Variants in IL16 observed in about 807,000 individuals in gnomAD.
IL16 encodes the protein interleukin 16.
A neutral mutation model predicts 110.1 loss-of-function variants in IL16; 67 were observed. The ratio of observed to expected loss-of-function variants is 0.61; its 90% CI spans 0.50 to 0.75. IL16 has a LOEUF of 0.75. Among genes scored for constraint, IL16 ranks in the 30% least tolerant of loss-of-function variants. IL16 has a pLI of 0.00. For missense variants in IL16, 1,545 were observed against 1,655.0 expected, an observed-to-expected ratio of 0.93 and a Z score of 1.15; for synonymous variants, 689 against 662.9, an observed-to-expected ratio of 1.04 and a Z score of -0.61.
rs148665381 is a variant in IL16, at chr15:81,230,380, A to C, written c.312+4669A>C. Reference sequence around the variant, plus strand: ...GCTCAGTTAGAGGGAACGAAAGGTCAAACTCTCCCTCTCCTCTTTCCTCTC... The same window carrying C: ...GCTCAGTTAGAGGGAACGAAAGGTCCAACTCTCCCTCTCCTCTTTCCTCTC... On this transcript the variant is annotated intron_variant, in intron 2 of 18. Transcript: ENST00000683961. Among the ~76,000 whole-genome samples the C allele has an allele frequency of 4.7e-3, 709 of 152,338 alleles. 4 individuals carry two copies. Among genetic ancestry groups the C allele is most frequent in the African/African-American group, 0.016 (680 of 41,566 alleles).
chr15:81,302,902 C>G (rs1900358152), intron 15 of IL16, among the ~76,000 whole-genome samples: 1 of 152,126 alleles, frequency 6.6e-6, no homozygotes, highest in Non-Finnish European at 1.5e-5. Context: ...AGGGACCTGC[C>G]TGACTCCTAT....
chr15:81,292,424 C>A, intron 11 of IL16, 132 bp from the exon 12 acceptor site: 2 of 1,329,850 alleles, frequency 1.5e-6, no homozygotes, highest in Non-Finnish European at 2.1e-6. Flanking sequence ...TACTCCAGAT[C>A]CACAGTGACT....
chr15:81,285,857 T>C lies in IL16; in HGVS notation c.1332+27T>C. On this transcript the variant is annotated intron_variant, in intron 10 of 18. Coordinates refer to ENST00000683961, the MANE Select transcript of IL16 (RefSeq NM_172217.5). ...TAACACCCACTGGGTTATCCTCTTC[T>C]TCTCAGGCTCACTCGTTCAGTACCA... 2.5e-6 allele frequency: 4 copies of C among 1,612,520 alleles called. No individual in the cohort carries two copies. In the South Asian group the frequency reaches 4.4e-5, roughly 18 times the overall value.
chr15:81,225,829 G>C, intron 2 of IL16, 118 bp downstream of exon 2: 1 of 1,027,002 alleles, frequency 9.7e-7, no homozygotes, highest in East Asian at 2.6e-5. Flanking sequence ...AATTCTGAAA[G>C]AGAGCAAGAA....
intron 1 of IL16, among the ~76,000 whole-genome samples, chr15:81,186,693 A>G (rs1005385173): frequency 3.3e-5 from 5 of 152,264 alleles, no homozygotes; most frequent in Admixed American, 2.0e-4. Context: ...AAAAGAGGAA[A>G]GAATTGTAGT....
intron 7 of IL16, 91 bp from the exon 8 acceptor site, chr15:81,279,467 C>A: frequency 1.3e-6 from 1 of 782,982 alleles, no homozygotes; most frequent in Non-Finnish European, 2.1e-6. Flanking sequence ...CATACACATA[C>A]ACACACACAG....
chr15:81,269,516 C>A, intron 4 of IL16, 22 bp from the exon 5 acceptor site: 2 of 1,556,522 alleles, frequency 1.3e-6, no homozygotes, highest in Non-Finnish European at 1.8e-6. Flanking sequence ...AATCTTCTGC[C>A]TACTCTGGTT....
chr15:81,280,045 G>A (rs1459865993), intron 8 of IL16, among the ~76,000 whole-genome samples: 1 of 152,224 alleles, frequency 6.6e-6, no homozygotes, highest in Non-Finnish European at 1.5e-5. Context: ...CAGAGAGAGA[G>A]AGAGAGAAAC....
chr15:81,301,444 C>CT lies in IL16; in HGVS notation c.3251dup (p.Leu1085AlafsTer18), dbSNP rs1472291192. 6.2e-7 allele frequency: 1 copy of CT among 1,614,124 alleles called. No homozygotes were observed. On this transcript the variant is annotated frameshift_variant, in exon 15 of 19. Coordinates refer to ENST00000683961, the MANE Select transcript of IL16 (RefSeq NM_172217.5). LOFTEE classifies it high-confidence loss of function. The stretch of plus-strand genomic sequence containing the variant: ...TCAGTCTGGTCAGTCCGTTATCTCC[C>CT]TGCTGAGCTCAGAAGAATTAAAAAA...
Position 81,310,737 on chromosome 15 carries a change from G to C in IL16, c.*1939G>C, listed in dbSNP as rs766491696. The C allele has an allele frequency of 1.3e-5, 2 of 152,190 alleles. No individual in the cohort carries two copies. The highest frequency in any genetic ancestry group is 2.9e-5 in the Non-Finnish European group (2 of 68,084). The allele number at this position is 152,190 out of a possible 1,614,324, so 9.4% of individuals were successfully genotyped here. A position where few individuals can be genotyped will look rare whatever the true frequency, so the allele number is the denominator to read the frequency against. On this transcript the variant is annotated 3_prime_UTR_variant, in exon 19 of 19. Coordinates refer to ENST00000683961, the MANE Select transcript of IL16 (RefSeq NM_172217.5). ...GTTTTAAGTCTTATCAAGCAGCCAA[G>C]GGATGAAAGAGAAGGTGGGTTTTCA...
intron 12 of IL16, chr15:81,295,565 A>C (rs1156680398): frequency 8.3e-7 from 1 of 1,205,536 alleles, no homozygotes; most frequent in African/African-American, 1.6e-5. Flanking sequence ...TGTGGACAAG[A>C]GACTTAGAGA....
chr15:81,278,132 A>G (rs1450908928), intron 6 of IL16, among the ~76,000 whole-genome samples: 2 of 152,098 alleles, frequency 1.3e-5, no homozygotes, highest in East Asian at 1.9e-4. Flanking sequence ...TGGGGTCTAC[A>G]TTGCATTCTG....
chr15:81,251,134 A>G (rs1018521842), intron 2 of IL16, among the ~76,000 whole-genome samples: 2 of 152,086 alleles, frequency 1.3e-5, no homozygotes, highest in African/African-American at 4.8e-5. Flanking sequence ...TTTTGTTGAT[A>G]CATTTACATC....
chr15:81,294,065 G>A (rs1489268216), intron 12 of IL16, among the ~76,000 whole-genome samples: 1 of 152,218 alleles, frequency 6.6e-6, no homozygotes, highest in Non-Finnish European at 1.5e-5. Context: ...GCACACCGTG[G>A]GCAGGTGGGA....
chr15:81,306,677 T>C, intron 18 of IL16, 132 bp downstream of exon 18: 1 of 1,098,620 alleles, frequency 9.1e-7, no homozygotes, highest in Non-Finnish European at 1.4e-6. Flanking sequence ...GGCATGCTGG[T>C]CCTTTTAGGG....
intron 1 of IL16, among the ~76,000 whole-genome samples, chr15:81,183,066 A>T (rs1332977596): frequency 1.4e-5 from 2 of 145,518 alleles, no homozygotes; most frequent in Non-Finnish European, 2.9e-5. Flanking sequence ...CACACGTGTA[A>T]GTGTGTGCAC....
intron 1 of IL16, among the ~76,000 whole-genome samples, chr15:81,218,354 T>C (rs557856996): frequency 2.1e-4 from 32 of 152,100 alleles, no homozygotes; most frequent in Non-Finnish European, 3.7e-4. Context: ...AAAAGAAAAT[T>C]TGAACGAATA....
intron 13 of IL16, among the ~76,000 whole-genome samples, chr15:81,297,779 A>T (rs1281744284): frequency 6.6e-6 from 1 of 152,122 alleles, no homozygotes; most frequent in African/African-American, 2.4e-5. Context: ...GCCCTGTGCT[A>T]GATGCTGGGG....
intron 12 of IL16, chr15:81,295,308 T>A: frequency 2.8e-6 from 3 of 1,088,966 alleles, no homozygotes; most frequent in Non-Finnish European, 3.4e-6. Flanking sequence ...GAGAAAAATT[T>A]GTGTAAAATC....
Sources: allele counts gnomAD v4.1 joint callset (sites outside exome capture counted in the v4.1 genomes callset), GRCh38; gene constraint gnomAD v4.1.1; transcripts MANE v1.5; gene names NCBI Gene and HGNC (gene_info 2026-07-23, HGNC 2026-07-21).